The following WHRN variants were observed in gnomAD, a reference collection of about 807,000 sequenced individuals.
WHRN encodes whirlin.
WHRN carries 41 observed loss-of-function variants against 68.3 expected under a neutral mutation model. The ratio of observed to expected loss-of-function variants is 0.60; its 90% CI spans 0.47 to 0.78. The LOEUF is 0.78. WHRN is among the 30% of genes least tolerant of loss of function. WHRN has a pLI of 0.00. For synonymous variants in WHRN, 560 were observed against 561.3 expected (o/e 1.00, Z 0.03); for missense variants, 1,243 against 1,244.7 (o/e 1.00, Z 0.02).
At chr9:114,424,658 T>C in intron 5 of WHRN, 112 bp from the exon 6 acceptor site, 1 of 1,224,882 alleles carries the variant, frequency 8.2e-7, no homozygotes, top group Non-Finnish European at 1.2e-6. Context: ...TTTCATCTGT[T>C]ATTCTCCCTC....
chr9:114,496,765 T>C (rs1313730725), intron 1 of WHRN, among the ~76,000 whole-genome samples: 2 of 152,202 alleles, frequency 1.3e-5, no homozygotes, highest in African/African-American at 4.8e-5. Context: ...CTGCCCAAGG[T>C]CACAGCCAAG....
At chr9:114,471,030 G>A (rs1841174436) in intron 2 of WHRN, among the ~76,000 whole-genome samples, 1 of 152,064 alleles carries the variant, frequency 6.6e-6, no homozygotes. Context: ...AGAATAAAAT[G>A]AGTCTTTATC....
At chr9:114,414,686 A>C (rs1306427002) in intron 7 of WHRN, among the ~76,000 whole-genome samples, 1 of 152,256 alleles carries the variant, frequency 6.6e-6, no homozygotes, top group Non-Finnish European at 1.5e-5. Context: ...GAGACAGCAA[A>C]GCACTGGCTG....
intron 3 of WHRN, among the ~76,000 whole-genome samples, chr9:114,459,679 G>A (rs1840089457): frequency 6.6e-6 from 1 of 152,166 alleles, no homozygotes; most frequent in South Asian, 2.1e-4. Flanking sequence ...TCAGGCTCCT[G>A]GCAAAGTCCA....
intron 3 of WHRN, among the ~76,000 whole-genome samples, chr9:114,438,215 A>AGTGAGTGAGACAGATTGGGTGCTGG (rs1838037283): frequency 6.6e-6 from 1 of 152,118 alleles, no homozygotes; most frequent in Non-Finnish European, 1.5e-5. Context: ...AGCCTGGGTG[A>AGTGAGTGAGACAGATTGGGTGCTGG]GTGAGTGAGA....
chr9:114,499,267 C>T (rs1302245614), intron 1 of WHRN, among the ~76,000 whole-genome samples: 2 of 152,310 alleles, frequency 1.3e-5, no homozygotes, highest in Non-Finnish European at 2.9e-5. Flanking sequence ...CAGGCTTTAA[C>T]AGTAAAAGGC....
intron 1 of WHRN, among the ~76,000 whole-genome samples, chr9:114,480,866 C>A (rs982633757): frequency 6.6e-6 from 1 of 152,122 alleles, no homozygotes; most frequent in Non-Finnish European, 1.5e-5. Flanking sequence ...ACTGGAAAAA[C>A]AAAATGAAAC....
At chr9:114,449,051 C>T (rs1839082408) in intron 3 of WHRN, among the ~76,000 whole-genome samples, 1 of 152,190 alleles carries the variant, frequency 6.6e-6, no homozygotes, top group Non-Finnish European at 1.5e-5. Context: ...TTACCTACCT[C>T]TCCCAAAGCC....
chr9:114,416,478 G>A (rs909961997), intron 7 of WHRN, among the ~76,000 whole-genome samples: 3 of 152,208 alleles, frequency 2.0e-5, no homozygotes, highest in Non-Finnish European at 2.9e-5. Context: ...TGCTGTTCTC[G>A]TGATAGTGAG....
chr9:114,457,642 G>A (rs1220224312), intron 3 of WHRN, among the ~76,000 whole-genome samples: 7 of 152,102 alleles, frequency 4.6e-5, no homozygotes, highest in East Asian at 1.9e-4. Flanking sequence ...TTGGCCAGGC[G>A]CGGGGGCTCA....
chr9:114,486,284 C>T (rs1842466816), intron 1 of WHRN, among the ~76,000 whole-genome samples: 1 of 152,158 alleles, frequency 6.6e-6, no homozygotes. Flanking sequence ...CACTCAGCTC[C>T]TTTCCCACGA....
chr9:114,493,571 C>T (rs1376677060), intron 1 of WHRN, among the ~76,000 whole-genome samples: 1 of 152,090 alleles, frequency 6.6e-6, no homozygotes, highest in East Asian at 1.9e-4. Context: ...GCTGATCAGG[C>T]AGTGTAGACA....
chr9:114,459,420 G>A (rs980112562), intron 3 of WHRN, among the ~76,000 whole-genome samples: 3 of 152,014 alleles, frequency 2.0e-5, no homozygotes, highest in Non-Finnish European at 4.4e-5. Context: ...CTGAGATCAT[G>A]CCACTACACT....
At chr9:114,441,096 A>G (rs1285790210) in intron 3 of WHRN, among the ~76,000 whole-genome samples, 1 of 152,236 alleles carries the variant, frequency 6.6e-6, no homozygotes, top group Admixed American at 6.5e-5. Flanking sequence ...CAATAAATTC[A>G]GTAAGGCACT....
At chr9:114,420,823 C>G (rs897715992) in intron 7 of WHRN, among the ~76,000 whole-genome samples, 2 of 152,084 alleles carry the variant, frequency 1.3e-5, no homozygotes, top group African/African-American at 4.8e-5. Context: ...GGTTACTCAC[C>G]CTGGGCCCAC....
Position 114,402,444 on chromosome 9 carries a change from C to A in WHRN, c.*310G>T. ...CCTAGCTGGAGGGGGGACAGCAGTG[C>A]CCCCAACCCAACCTGGAGAAACCAG... On this transcript the variant is annotated 3_prime_UTR_variant, in exon 12 of 12. Transcript: ENST00000362057. The A allele has an allele frequency of 4.7e-6, 2 of 428,250 alleles. No individual in the cohort carries two copies. The highest frequency in any genetic ancestry group is 4.5e-5 in the South Asian group (2 of 44,634). 26.5% of individuals were successfully genotyped at this position (428,250 alleles called of 1,614,324 possible). A position where few individuals can be genotyped will look rare whatever the true frequency, so the allele number is the denominator to read the frequency against.
chr9:114,494,900 T>C (rs760468086), intron 1 of WHRN, among the ~76,000 whole-genome samples: 2 of 150,136 alleles, frequency 1.3e-5, no homozygotes, highest in Non-Finnish European at 3.0e-5. Flanking sequence ...ATCTGTGTCA[T>C]GACAGAAGTG....
At chr9:114,498,327 G>A (rs948362192) in intron 1 of WHRN, among the ~76,000 whole-genome samples, 1 of 152,180 alleles carries the variant, frequency 6.6e-6, no homozygotes, top group Non-Finnish European at 1.5e-5. Flanking sequence ...CAGGCAAAAG[G>A]ATAGAGGAGT....
At chr9:114,404,996 G>A (rs1052429143) in intron 9 of WHRN, among the ~76,000 whole-genome samples, 1 of 151,912 alleles carries the variant, frequency 6.6e-6, no homozygotes, top group African/African-American at 2.4e-5. Context: ...GCCATGCAGA[G>A]GTTCAGACCA....
Sources: gnomAD v4.1 joint callset for allele counts (sites outside exome capture counted in the v4.1 genomes callset) on GRCh38, gnomAD v4.1.1 for gene constraint, MANE v1.5 for transcripts, NCBI Gene and HGNC (gene_info 2026-07-23, HGNC 2026-07-21) for gene names.